EHMT1: variants seen among roughly 807,000 people sequenced by gnomAD.
The protein encoded by EHMT1 is histone-lysine N-methyltransferase EHMT1.
EHMT1 carries 15 observed loss-of-function variants against 147.2 expected under a neutral mutation model. The ratio of observed to expected loss-of-function variants is 0.10; its 90% CI spans 0.07 to 0.16. The LOEUF is 0.16. Among genes scored for constraint, EHMT1 ranks in the 10% least tolerant of loss-of-function variants. EHMT1 has a pLI of 1.00. For synonymous variants in EHMT1, 795 were observed against 709.6 expected (o/e 1.12, Z -1.91); for missense variants, 1,587 against 1,772.4 (o/e 0.90, Z 1.88).
chr9:137,689,932 A>T (rs1283490296), intron 1 of EHMT1, among the ~76,000 whole-genome samples: 1 of 152,172 alleles, frequency 6.6e-6, no homozygotes, highest in African/African-American at 2.4e-5. Context: ...CGTGGAGATG[A>T]GGCCGAGGAA....
intron 1 of EHMT1, among the ~76,000 whole-genome samples, chr9:137,639,540 C>T (rs1844330478): frequency 1.3e-5 from 2 of 152,278 alleles, no homozygotes; most frequent in South Asian, 4.1e-4. Flanking sequence ...GGTGTTTTGA[C>T]ACTTCTCTCA....
At chr9:137,748,559 C>T (rs567036109) in intron 6 of EHMT1, among the ~76,000 whole-genome samples, 14 of 152,336 alleles carry the variant, frequency 9.2e-5, no homozygotes, top group Admixed American at 2.0e-4. Flanking sequence ...CGGCTCCCCA[C>T]GGTGGCTGCT....
At chr9:137,641,291 A>C in intron 1 of EHMT1, 1 of 447,650 alleles carries the variant, frequency 2.2e-6, no homozygotes, top group Non-Finnish European at 4.5e-6. Flanking sequence ...ATTTCCGTGG[A>C]CTTTGAAGAT....
At chr9:137,678,526 G>A (rs1382912406) in intron 1 of EHMT1, among the ~76,000 whole-genome samples, 3 of 152,180 alleles carry the variant, frequency 2.0e-5, no homozygotes, top group African/African-American at 7.2e-5. Context: ...TCTGTCTGGT[G>A]TTCCTGTCTC....
intron 1 of EHMT1, among the ~76,000 whole-genome samples, chr9:137,682,784 C>T (rs1042977318): frequency 2.0e-5 from 3 of 152,140 alleles, no homozygotes; most frequent in South Asian, 2.1e-4. Flanking sequence ...CACTGAGACC[C>T]GCAGGCCCCA....
intron 1 of EHMT1, among the ~76,000 whole-genome samples, chr9:137,678,193 C>T (rs1005934032): frequency 6.6e-6 from 1 of 152,068 alleles, no homozygotes; most frequent in Non-Finnish European, 1.5e-5. Context: ...AAGATGTTTA[C>T]TGTTGGTGGT....
chr9:137,632,032 C>T (rs1236627514), intron 1 of EHMT1, among the ~76,000 whole-genome samples: 1 of 152,184 alleles, frequency 6.6e-6, no homozygotes, highest in African/African-American at 2.4e-5. Flanking sequence ...ACGCGCTGTG[C>T]AGGTTTATAG....
Position 137,810,817 on chromosome 9 carries a change from A to G in EHMT1, c.2713-644A>G, listed in dbSNP as rs56062312. Among the ~76,000 whole-genome samples, 1,073 of 151,918 alleles carry G rather than the reference A, an allele frequency of 7.1e-3. 13 individuals are homozygous for G. Among genetic ancestry groups the G allele is most frequent in the Middle Eastern group, 0.017 (5 of 294 alleles). ...CGGGTTCAAGCAATTCTCCTGCCTC[A>G]GCCTCGCAAGTAGCTGGGATTACAG... is the stretch of plus-strand genomic sequence containing the variant. On this transcript the variant is annotated intron_variant, in intron 18 of 26. Coordinates refer to ENST00000460843, the MANE Select transcript of EHMT1 (RefSeq NM_024757.5).
At chr9:137,752,100 A>G (rs1949014689) in intron 6 of EHMT1, among the ~76,000 whole-genome samples, 1 of 152,342 alleles carries the variant, frequency 6.6e-6, no homozygotes, top group Non-Finnish European at 1.5e-5. Context: ...ACCGGGGAGC[A>G]GAGTGGAAGC....
At position 137,692,959 on chromosome 9, in the gene EHMT1, C is replaced by G. The variant is rs558644791; in HGVS notation, c.22-18008C>G. Reference sequence around the variant, plus strand: ...TGAGAGTCCGGGGTGGATGTGGCCACAAGGGTTGTCCTTGGAATCGGCTGG... The same window carrying G: ...TGAGAGTCCGGGGTGGATGTGGCCAGAAGGGTTGTCCTTGGAATCGGCTGG... On this transcript the variant is annotated intron_variant, in intron 1 of 26. Coordinates refer to ENST00000460843, the MANE Select transcript of EHMT1 (RefSeq NM_024757.5). 1.1e-4 allele frequency among the ~76,000 whole-genome samples: 17 copies of G among 152,248 alleles called. No homozygotes were observed. In the East Asian group the frequency reaches 3.3e-3, roughly 29 times the overall value.
chr9:137,700,415 G>A (rs1220697428), intron 1 of EHMT1, among the ~76,000 whole-genome samples: 2 of 152,208 alleles, frequency 1.3e-5, no homozygotes, highest in African/African-American at 4.8e-5. Flanking sequence ...ACTTCACGAA[G>A]TGGGAAATAA....
intron 1 of EHMT1, among the ~76,000 whole-genome samples, chr9:137,628,636 A>G (rs1380550556): frequency 6.6e-6 from 1 of 152,218 alleles, no homozygotes; most frequent in African/African-American, 2.4e-5. Context: ...CTAGAAGCAC[A>G]GCTGTCCTAT....
At chr9:137,668,579 G>A (rs956731803) in intron 1 of EHMT1, among the ~76,000 whole-genome samples, 3 of 152,106 alleles carry the variant, frequency 2.0e-5, no homozygotes, top group Admixed American at 2.0e-4. Flanking sequence ...GTATCATCCT[G>A]AAAAGAAACC....
chr9:137,752,625 C>CA (rs1949059522), intron 7 of EHMT1, among the ~76,000 whole-genome samples: 3 of 152,214 alleles, frequency 2.0e-5, no homozygotes, highest in African/African-American at 4.8e-5. Context: ...GGGCCTGGCA[C>CA]GGGGCTGCCC....
In EHMT1 at chr9:137,685,575, T is replaced by C. The variant is rs12684970; in HGVS notation, c.22-25392T>C. Among the ~76,000 whole-genome samples the C allele has an allele frequency of 0.03, 4,625 of 152,312 alleles. 853 individuals carry two copies. The East Asian group carries it at 0.54, about 18-fold the overall frequency. ...TATCTGTTTTCAGTTCTTTGGGGTA[T>C]ATACCTAGGAGTGGAATTGCTGGAT... On this transcript the variant is annotated intron_variant, in intron 1 of 26. Transcript: ENST00000460843.
At chr9:137,698,503 T>G (rs1386800393) in intron 1 of EHMT1, among the ~76,000 whole-genome samples, 1 of 152,182 alleles carries the variant, frequency 6.6e-6, no homozygotes, top group East Asian at 1.9e-4. Context: ...GAAAGGATTT[T>G]TAAAGCTAGT....
chr9:137,768,816 C>G (rs1043653315), intron 10 of EHMT1, among the ~76,000 whole-genome samples: 12 of 151,844 alleles, frequency 7.9e-5, no homozygotes, highest in East Asian at 3.9e-4. Context: ...TCCCAAAGTG[C>G]TGGGATTACA....
chr9:137,809,190 G>C (rs142919521), intron 18 of EHMT1, among the ~76,000 whole-genome samples: 1 of 152,212 alleles, frequency 6.6e-6, no homozygotes, highest in Non-Finnish European at 1.5e-5. Flanking sequence ...CATGCCGGGG[G>C]CTGGCCGTTT....
intron 25 of EHMT1, among the ~76,000 whole-genome samples, chr9:137,820,543 C>T (rs1421078195): frequency 1.3e-5 from 2 of 152,160 alleles, no homozygotes; most frequent in South Asian, 2.1e-4. Context: ...ACTGGGTTTT[C>T]GTAATGTCTT....
Sources: allele counts gnomAD v4.1 joint callset (sites outside exome capture counted in the v4.1 genomes callset), GRCh38; gene constraint gnomAD v4.1.1; transcripts MANE v1.5; gene names NCBI Gene and HGNC (gene_info 2026-07-23, HGNC 2026-07-21).